Variants in FGGY observed in about 807,000 individuals in gnomAD.
FGGY encodes the protein FGGY carbohydrate kinase domain-containing protein.
Under a neutral mutation model 71.3 loss-of-function variants are expected in FGGY, and 72 were observed. The observed-to-expected ratio is 1.01, with a 90% CI of 0.84 to 1.23. FGGY has a LOEUF of 1.23. FGGY is among the 50% of genes most tolerant of loss of function. The probability of loss-of-function intolerance (pLI) is 0.00; values close to 1 mark genes in which losing one functional copy is unlikely to be tolerated. For synonymous variants in FGGY, 251 were observed against 250.3 expected (o/e 1.00, Z -0.02); for missense variants, 668 against 682.3 (o/e 0.98, Z 0.23).
Position 59,378,735 on chromosome 1 carries a change from A to G in FGGY, c.466-14A>G. On this transcript the variant is annotated splice_polypyrimidine_tract_variant and intron_variant, in intron 4 of 15. Transcript: ENST00000303721. ...AACCCCCTAATTGATTCTAATATAT[A>G]TTTAATTTGGCAGAACTTGAGAGAG... The G allele has an allele frequency of 1.2e-6, 2 of 1,610,148 alleles. 1 individual carries two copies. Among genetic ancestry groups the G allele is most frequent in the South Asian group, 2.2e-5 (2 of 90,818 alleles).
At chr1:59,513,885 C>T (rs79252950) in intron 7 of FGGY, among the ~76,000 whole-genome samples, 1,675 of 152,316 alleles carry the variant, frequency 0.011, 33 homozygotes, top group African/African-American at 0.038. Context: ...AGAGCAGGAT[C>T]GCTCTCATCA....
At chr1:59,542,676 G>C (rs1044765204) in intron 7 of FGGY, among the ~76,000 whole-genome samples, 6 of 151,878 alleles carry the variant, frequency 4.0e-5, no homozygotes, top group Non-Finnish European at 8.8e-5. Context: ...GGCTGGTCTC[G>C]AGCTCCCAAT....
At chr1:59,517,609 C>T (rs964167769) in intron 7 of FGGY, among the ~76,000 whole-genome samples, 1 of 152,168 alleles carries the variant, frequency 6.6e-6, no homozygotes, top group Admixed American at 6.5e-5. Flanking sequence ...CCCTCCCTGA[C>T]TTCCCAAGTT....
At chr1:59,339,654 A>G (rs375510479) in intron 2 of FGGY, among the ~76,000 whole-genome samples, 6 of 151,840 alleles carry the variant, frequency 4.0e-5, no homozygotes, top group African/African-American at 1.5e-4. Flanking sequence ...TAGTAGAGAC[A>G]GGGTTTCACT....
At chr1:59,508,748 G>T (rs189807864) in intron 6 of FGGY, among the ~76,000 whole-genome samples, 92 of 152,302 alleles carry the variant, frequency 6.0e-4, no homozygotes, top group Admixed American at 5.4e-3. Flanking sequence ...CCAAATGAAA[G>T]ATGGGATATT....
chr1:59,345,490 A>G (rs1240228061), intron 3 of FGGY, among the ~76,000 whole-genome samples: 1 of 152,142 alleles, frequency 6.6e-6, no homozygotes, highest in Non-Finnish European at 1.5e-5. Flanking sequence ...CTCCTTTTCC[A>G]GCTGGTTTTA....
intron 12 of FGGY, 149 bp downstream of exon 12, chr1:59,660,442 A>G: frequency 3.6e-6 from 2 of 549,570 alleles, no homozygotes; most frequent in Non-Finnish European, 6.1e-6. Context: ...TATGTCTGGA[A>G]GGAAGTGTTG....
At chr1:59,440,196 G>A (rs370661027) in intron 5 of FGGY, among the ~76,000 whole-genome samples, 13 of 151,392 alleles carry the variant, frequency 8.6e-5, no homozygotes, top group African/African-American at 3.2e-4. Context: ...CCCTAAGAGT[G>A]CTCTCAATTA....
intron 9 of FGGY, among the ~76,000 whole-genome samples, chr1:59,622,982 G>A (rs2096824561): frequency 6.6e-6 from 1 of 152,126 alleles, no homozygotes; most frequent in South Asian, 2.1e-4. Context: ...CATTAGAGAT[G>A]TCAGCATTGC....
chr1:59,653,287 C>T (rs907155535), intron 11 of FGGY, among the ~76,000 whole-genome samples: 2 of 152,258 alleles, frequency 1.3e-5, no homozygotes, highest in East Asian at 3.9e-4. Flanking sequence ...CCACCCAGTT[C>T]GAGCTTTTGG....
At chr1:59,724,366 C>T (rs761022103) in intron 14 of FGGY, among the ~76,000 whole-genome samples, 14 of 151,844 alleles carry the variant, frequency 9.2e-5, no homozygotes, top group Non-Finnish European at 2.1e-4. Context: ...TGCCTGTAGT[C>T]CCAGCTACTC....
intron 6 of FGGY, among the ~76,000 whole-genome samples, chr1:59,502,703 A>C (rs1011787291): frequency 6.6e-6 from 1 of 152,192 alleles, no homozygotes; most frequent in South Asian, 2.1e-4. Context: ...TCCTTGAGTC[A>C]GGAGCTCTGG....
chr1:59,550,446 A>G (rs1407699883), intron 7 of FGGY, among the ~76,000 whole-genome samples: 1 of 152,130 alleles, frequency 6.6e-6, no homozygotes, highest in African/African-American at 2.4e-5. Flanking sequence ...TCAGCTATGC[A>G]TGGCTGCTGA....
At chr1:59,671,516 C>G (rs2097377043) in intron 13 of FGGY, among the ~76,000 whole-genome samples, 1 of 152,206 alleles carries the variant, frequency 6.6e-6, no homozygotes, top group Non-Finnish European at 1.5e-5. Context: ...GCCAGTCTCC[C>G]AGGCTCAGAG....
chr1:59,362,748 T>C (rs1439904946), intron 4 of FGGY, among the ~76,000 whole-genome samples: 1 of 152,238 alleles, frequency 6.6e-6, no homozygotes, highest in Non-Finnish European at 1.5e-5. Context: ...TTATAAATTA[T>C]GTATTTTAGA....
chr1:59,368,839 A>G (rs1400976768), intron 4 of FGGY, among the ~76,000 whole-genome samples: 2 of 152,066 alleles, frequency 1.3e-5, no homozygotes, highest in African/African-American at 4.8e-5. Context: ...CGCCTGTAAT[A>G]CCAGCACTTT....
chr1:59,485,336 G>A (rs1022830044), intron 6 of FGGY, among the ~76,000 whole-genome samples: 8 of 152,198 alleles, frequency 5.3e-5, no homozygotes, highest in Admixed American at 1.3e-4. Flanking sequence ...TGAGGTATAA[G>A]CAGATGTGTC....
intron 11 of FGGY, among the ~76,000 whole-genome samples, chr1:59,645,814 G>C (rs965259614): frequency 1.3e-5 from 2 of 152,218 alleles, no homozygotes; most frequent in Non-Finnish European, 2.9e-5. Context: ...ATCATTGGTT[G>C]AAACATGTTT....
intron 1 of FGGY, among the ~76,000 whole-genome samples, chr1:59,310,494 G>A (rs1259483899): frequency 1.3e-5 from 2 of 152,142 alleles, no homozygotes; most frequent in Non-Finnish European, 2.9e-5. Flanking sequence ...TTTGTAATTG[G>A]CATATTAGGG....
Sources: allele counts gnomAD v4.1 joint callset (sites outside exome capture counted in the v4.1 genomes callset), GRCh38; gene constraint gnomAD v4.1.1; transcripts MANE v1.5; gene names NCBI Gene and HGNC (gene_info 2026-07-23, HGNC 2026-07-21).